MRTFA: variants seen among roughly 807,000 people sequenced by gnomAD.
MRTFA encodes the protein myocardin-related transcription factor A.
MRTFA carries 20 observed loss-of-function variants against 83.5 expected under a neutral mutation model. The ratio of observed to expected loss-of-function variants is 0.24; its 90% CI spans 0.17 to 0.35. MRTFA has a LOEUF of 0.35. Among genes scored for constraint, MRTFA ranks in the 10% least tolerant of loss-of-function variants. The probability of loss-of-function intolerance (pLI) is 1.00; values close to 1 mark genes in which losing one functional copy is unlikely to be tolerated. For missense variants in MRTFA, 1,200 were observed against 1,224.7 expected (o/e 0.98, Z 0.30); for synonymous variants, 659 against 541.2 (o/e 1.22, Z -3.02).
rs529917812 is a variant in MRTFA, at chr22:40,605,574, T to C, written c.-83-10839A>G. On this transcript the variant is annotated intron_variant, in intron 1 of 14. Transcript: ENST00000355630. Reference sequence around the variant, plus strand: ...GTAAGAGTTTTGAGCAGAGAAGTGATGTGATTCCATTTATGTTTTTAAGAA... The same window carrying C: ...GTAAGAGTTTTGAGCAGAGAAGTGACGTGATTCCATTTATGTTTTTAAGAA... 2.7e-4 allele frequency among the ~76,000 whole-genome samples: 41 copies of C among 152,336 alleles called. No individual in the cohort carries two copies. In the South Asian group the frequency reaches 8.3e-3, roughly 31 times the overall value.
rs551005028 is a variant in MRTFA at position 40,570,761 on chromosome 22, G to T, written c.-21-18394C>A. On this transcript the variant is annotated intron_variant, in intron 2 of 14. Transcript: ENST00000355630. ...AAATACAGAAAAAAACTAGTTCTCT[G>T]ATATTGCAGAGCACCAAAGCAGTCC... 3.3e-5 allele frequency among the ~76,000 whole-genome samples: 5 copies of T among 151,746 alleles called. No individual in the cohort carries two copies. In the South Asian group the frequency reaches 1.0e-3, roughly 32 times the overall value.
At chr22:40,556,105 T>C (rs547115837) in intron 2 of MRTFA, among the ~76,000 whole-genome samples, 15 of 150,506 alleles carry the variant, frequency 1.0e-4, no homozygotes, top group African/African-American at 2.4e-4. Flanking sequence ...TTCTGTTTGA[T>C]TGGACAATGA....
intron 4 of MRTFA, among the ~76,000 whole-genome samples, chr22:40,445,757 T>C (rs2053365117): frequency 6.6e-6 from 1 of 152,106 alleles, no homozygotes. Context: ...ACCGTGTTGG[T>C]CAGGCTGGTC....
intron 3 of MRTFA, among the ~76,000 whole-genome samples, chr22:40,500,592 A>G (rs113410489): frequency 4.9e-4 from 75 of 151,704 alleles, no homozygotes; most frequent in African/African-American, 1.8e-3. Flanking sequence ...ATTGGTGGTG[A>G]CTCTTAACGA....
intron 3 of MRTFA, among the ~76,000 whole-genome samples, chr22:40,505,288 T>C (rs1398501229): frequency 6.6e-6 from 1 of 152,228 alleles, no homozygotes; most frequent in African/African-American, 2.4e-5. Flanking sequence ...AAAAATTATC[T>C]ATGAGTCTTA....
At chr22:40,538,990 GTTTT>G (rs1329210578) in intron 3 of MRTFA, among the ~76,000 whole-genome samples, 2 of 119,348 alleles carry the variant, frequency 1.7e-5, no homozygotes, top group South Asian at 2.9e-4. Context: ...ACAGCCTTTT[GTTTT>G]TTTTTTTTTT....
At chr22:40,474,761 G>A (rs1428298025) in intron 3 of MRTFA, among the ~76,000 whole-genome samples, 1 of 152,194 alleles carries the variant, frequency 6.6e-6, no homozygotes, top group African/African-American at 2.4e-5. Context: ...TGTGTGAAGA[G>A]TATTTCCAAA....
At chr22:40,457,486 G>GAAAGAAAGAAAGAAAGA (rs750318222) in intron 4 of MRTFA, among the ~76,000 whole-genome samples, 22 of 127,912 alleles carry the variant, frequency 1.7e-4, no homozygotes, top group Non-Finnish European at 2.6e-4. Flanking sequence ...AAGAAAGAAA[G>GAAAGAAAGAAAGAAAGA]AAGGAAAGAA....
chr22:40,573,426 T>C (rs2055825741), intron 2 of MRTFA, among the ~76,000 whole-genome samples: 1 of 152,134 alleles, frequency 6.6e-6, no homozygotes, highest in Admixed American at 6.5e-5. Context: ...GGCTAATTTT[T>C]GTATTTTTAG....
chr22:40,493,926 C>T (rs915152356), intron 3 of MRTFA, among the ~76,000 whole-genome samples: 9 of 152,124 alleles, frequency 5.9e-5, no homozygotes, highest in African/African-American at 1.9e-4. Flanking sequence ...CCTTGTTTCA[C>T]CTAAGAAGCG....
chr22:40,460,071 C>T (rs2053683623), intron 4 of MRTFA, among the ~76,000 whole-genome samples: 3 of 151,414 alleles, frequency 2.0e-5, no homozygotes, highest in South Asian at 2.1e-4. Context: ...GCCTCTCAGG[C>T]GCGCCACCAT....
intron 4 of MRTFA, among the ~76,000 whole-genome samples, chr22:40,446,680 T>C (rs1022323932): frequency 1.3e-5 from 2 of 152,200 alleles, no homozygotes; most frequent in Non-Finnish European, 2.9e-5. Context: ...GCTTAGGACA[T>C]AGCCAGTGGT....
intron 3 of MRTFA, among the ~76,000 whole-genome samples, chr22:40,511,454 TA>T (rs2054666524): frequency 6.6e-6 from 1 of 152,176 alleles, no homozygotes; most frequent in African/African-American, 2.4e-5. Flanking sequence ...TAGAACTCAG[TA>T]AACAGGTCAG....
intron 5 of MRTFA, 116 bp from the exon 6 acceptor site, chr22:40,431,596 CAACCTTAACTTGGTG>C: frequency 1.1e-6 from 1 of 936,276 alleles, no homozygotes; most frequent in Non-Finnish European, 1.7e-6. Flanking sequence ...GCAGTTCCCA[CAACCTTAACTTGGTG>C]ACTGCAGGGT....
chr22:40,473,550 T>C (rs2053948385), intron 3 of MRTFA, among the ~76,000 whole-genome samples: 1 of 152,188 alleles, frequency 6.6e-6, no homozygotes, highest in African/African-American at 2.4e-5. Flanking sequence ...CTGCTAATAA[T>C]TGGTATATTT....
intron 3 of MRTFA, among the ~76,000 whole-genome samples, chr22:40,518,052 C>A (rs779227771): frequency 6.6e-6 from 1 of 152,166 alleles, no homozygotes; most frequent in Non-Finnish European, 1.5e-5. Flanking sequence ...GGCATGGGAG[C>A]ATCACATAAC....
chr22:40,412,225 G>C (rs928622189), intron 14 of MRTFA: 2 of 193,918 alleles, frequency 1.0e-5, no homozygotes, highest in Non-Finnish European at 2.1e-5. Flanking sequence ...ATGGCCAACA[G>C]CACATGAAAA....
At chr22:40,452,436 G>GAT (rs2053511127) in intron 4 of MRTFA, among the ~76,000 whole-genome samples, 1 of 152,116 alleles carries the variant, frequency 6.6e-6, no homozygotes, top group Non-Finnish European at 1.5e-5. Context: ...GTTAGCCTTG[G>GAT]ATATCTCAGA....
chr22:40,586,545 C>T (rs192895966), intron 2 of MRTFA, among the ~76,000 whole-genome samples: 64 of 152,246 alleles, frequency 4.2e-4, no homozygotes, highest in African/African-American at 1.5e-3. Flanking sequence ...GGCCTAATTC[C>T]CCTGGAATAA....
Sources: gnomAD v4.1 joint callset for allele counts (sites outside exome capture counted in the v4.1 genomes callset) on GRCh38, gnomAD v4.1.1 for gene constraint, MANE v1.5 for transcripts, NCBI Gene and HGNC (gene_info 2026-07-23, HGNC 2026-07-21) for gene names.